Variants in STK38 observed in about 807,000 individuals in gnomAD.
The protein encoded by STK38 is serine/threonine kinase 38.
Under a neutral mutation model 59.0 loss-of-function variants are expected in STK38, and 26 were observed. That is an observed-to-expected ratio of 0.44 (90% CI 0.32 to 0.61). The LOEUF is 0.61. Among genes scored for constraint, STK38 ranks in the 20% least tolerant of loss-of-function variants. STK38 has a pLI of 0.04. For synonymous variants in STK38, 175 were observed against 176.6 expected (o/e 0.99, Z 0.07); for missense variants, 433 against 566.0 (o/e 0.76, Z 2.38).
intron 13 of STK38, among the ~76,000 whole-genome samples, 154 bp from the exon 14 acceptor site, chr6:36,496,068 CAG>C: frequency 7.3e-6 from 1 of 136,638 alleles, no homozygotes; most frequent in Non-Finnish European, 1.5e-5. Flanking sequence ...TTTTTTGAGA[CAG>C]AGTCTTGCTC....
At chr6:36,507,757 T>C (rs547826571) in intron 7 of STK38, among the ~76,000 whole-genome samples, 155 bp from the exon 8 acceptor site, 1 of 152,272 alleles carries the variant, frequency 6.6e-6, no homozygotes, top group South Asian at 2.1e-4. Flanking sequence ...TGCAGATAAA[T>C]TTTTTAATCC....
intron 6 of STK38, 26 bp from the exon 7 acceptor site, chr6:36,515,518 C>CCACACACACACA (rs66494457): frequency 4.5e-5 from 69 of 1,538,498 alleles, no homozygotes; most frequent in African/African-American, 2.6e-4. Context: ...TACAAAGCCA[C>CCACACACACACA]CACACACACA....
At chr6:36,523,077 A>G (rs945690945) in intron 4 of STK38, among the ~76,000 whole-genome samples, 1 of 151,976 alleles carries the variant, frequency 6.6e-6, no homozygotes, top group East Asian at 1.9e-4. Context: ...CTTCTCCCTG[A>G]ACCTTTCTTC....
At chr6:36,535,215 G>A (rs528158739) in intron 2 of STK38, among the ~76,000 whole-genome samples, 2 of 152,248 alleles carry the variant, frequency 1.3e-5, no homozygotes, top group Admixed American at 1.3e-4. Context: ...ACTTTGGGAG[G>A]AGGCGGGTGG....
rs1009026751 is a variant in STK38, at chr6:36,515,200, T to C, written c.669+138A>G. 4.2e-6 allele frequency: 4 copies of C among 942,948 alleles called. No individual in the cohort carries two copies. The African/African-American group carries it at 6.8e-5, about 16-fold the overall frequency. 58.4% of individuals were successfully genotyped at this position (942,948 alleles called of 1,614,324 possible). A position where few individuals can be genotyped will look rare whatever the true frequency, so the allele number is the denominator to read the frequency against. On this transcript the variant is annotated intron_variant, in intron 7 of 13. Transcript: ENST00000229812. Reference sequence around the variant, plus strand: ...GAAAGGAAGTGACAGCAAACTTACCTGTTTAAAAAAAAAAGGAAAATCATG... The same window carrying C: ...GAAAGGAAGTGACAGCAAACTTACCCGTTTAAAAAAAAAAGGAAAATCATG...
intron 7 of STK38, among the ~76,000 whole-genome samples, chr6:36,514,116 G>C (rs1357080340): frequency 6.9e-6 from 1 of 145,694 alleles, no homozygotes; most frequent in Non-Finnish European, 1.5e-5. Flanking sequence ...GACTGCCCTA[G>C]TGCACTCCAG....
At chr6:36,524,242 C>A (rs1777453484) in intron 4 of STK38, 99 bp downstream of exon 4, 4 of 1,419,932 alleles carry the variant, frequency 2.8e-6, no homozygotes, top group Non-Finnish European at 3.8e-6. Context: ...TCATTTAATT[C>A]CATATATTTG....
chr6:36,507,017 T>C (rs1420197778), intron 8 of STK38, among the ~76,000 whole-genome samples: 1 of 152,216 alleles, frequency 6.6e-6, no homozygotes, highest in Non-Finnish European at 1.5e-5. Flanking sequence ...TAGTAGTAAC[T>C]TATATGATCA....
intron 6 of STK38, among the ~76,000 whole-genome samples, chr6:36,516,762 G>A (rs1394659013): frequency 6.6e-6 from 1 of 152,162 alleles, no homozygotes; most frequent in Non-Finnish European, 1.5e-5. Flanking sequence ...CAGATGATTG[G>A]AGAGCTCAGG....
chr6:36,513,952 G>A (rs777121555), intron 7 of STK38, among the ~76,000 whole-genome samples: 17 of 150,044 alleles, frequency 1.1e-4, no homozygotes, highest in Admixed American at 2.7e-4. Context: ...TCAGGAGATC[G>A]AGACCATCAT....
chr6:36,498,291 A>G, intron 11 of STK38, 72 bp downstream of exon 11: 10 of 1,561,168 alleles, frequency 6.4e-6, no homozygotes, highest in Middle Eastern at 2.2e-4. Flanking sequence ...GGAGATAACA[A>G]AAGTTTTTAA....
chr6:36,529,497 CT>C (rs1777615398), intron 2 of STK38, among the ~76,000 whole-genome samples: 1 of 152,194 alleles, frequency 6.6e-6, no homozygotes, highest in Admixed American at 6.5e-5. Context: ...CCACTCTTCC[CT>C]TCAATTCCAA....
At chr6:36,511,978 G>A (rs1357722166) in intron 7 of STK38, among the ~76,000 whole-genome samples, 1 of 152,088 alleles carries the variant, frequency 6.6e-6, no homozygotes, top group Non-Finnish European at 1.5e-5. Flanking sequence ...AGAATTGCTT[G>A]AAACTGGGAG....
intron 7 of STK38, among the ~76,000 whole-genome samples, chr6:36,510,382 T>C (rs367588863): frequency 6.6e-6 from 1 of 152,290 alleles, no homozygotes; most frequent in African/African-American, 2.4e-5. Context: ...TGCTCTGAAA[T>C]TGGAGTGGAC....
chr6:36,517,671 C>A (rs755924410), intron 6 of STK38, 46 bp downstream of exon 6: 2 of 1,601,758 alleles, frequency 1.2e-6, no homozygotes, highest in Non-Finnish European at 1.7e-6. Context: ...GAGAAAGAAA[C>A]CACAGAACAA....
chr6:36,520,032 C>CA (rs1257677207), intron 5 of STK38, among the ~76,000 whole-genome samples: 1 of 152,114 alleles, frequency 6.6e-6, no homozygotes, highest in Non-Finnish European at 1.5e-5. Context: ...AGCCCTACCC[C>CA]AAAATGGTGA....
chr6:36,533,582 C>T (rs928134424), intron 2 of STK38, among the ~76,000 whole-genome samples: 2 of 152,150 alleles, frequency 1.3e-5, no homozygotes, highest in Non-Finnish European at 2.9e-5. Flanking sequence ...GGGGTATAAT[C>T]TTAGTGTTAA....
At chr6:36,521,261 G>A (rs1369402708) in intron 5 of STK38, among the ~76,000 whole-genome samples, 1 of 152,106 alleles carries the variant, frequency 6.6e-6, no homozygotes, top group Admixed American at 6.5e-5. Context: ...AGGTACCGAT[G>A]AGCTACCTAG....
At position 36,515,420 on chromosome 6, in the gene STK38, G is replaced by A; in HGVS notation, c.587C>T (p.Thr196Ile). ...EEETQFYIAE[T>I]VLAIDSIHQL... ...GTGAATAGAGTCTATGGCTAATACT[G>A]TTTCTGCTATATAAAACTGAGTCTC... The change falls in exon 7 of 14, where the codon ACA becomes ATA. Residue 196 changes from threonine to isoleucine, a missense_variant. Transcript: ENST00000229812. The A allele has an allele frequency of 6.2e-7, 1 of 1,613,834 alleles. No individual in the cohort carries two copies. Among genetic ancestry groups the A allele is most frequent in the Non-Finnish European group, 8.5e-7 (1 of 1,179,972 alleles).
Sources: gnomAD v4.1 joint callset for allele counts (sites outside exome capture counted in the v4.1 genomes callset) on GRCh38, gnomAD v4.1.1 for gene constraint, MANE v1.5 for transcripts, NCBI Gene and HGNC (gene_info 2026-07-23, HGNC 2026-07-21) for gene names.